Variants in MAPKAP1 observed in about 807,000 individuals in gnomAD.
The protein encoded by MAPKAP1 is MAPK associated protein 1, also known as target of rapamycin complex 2 subunit MAPKAP1.
In MAPKAP1, 20 loss-of-function variants were observed where a neutral mutation model predicts 65.7. That is an observed-to-expected ratio of 0.30 (90% CI 0.21 to 0.44). MAPKAP1 has a LOEUF of 0.44. Among genes scored for constraint, MAPKAP1 ranks in the 20% least tolerant of loss-of-function variants. The pLI is 1.00. For synonymous variants in MAPKAP1, 222 were observed against 244.3 expected, an observed-to-expected ratio of 0.91 and a Z score of 0.85; for missense variants, 423 against 648.0, an observed-to-expected ratio of 0.65 and a Z score of 3.77.
intron 4 of MAPKAP1, among the ~76,000 whole-genome samples, chr9:125,640,642 C>A (rs539382): frequency 0.9 from 136,547 of 152,216 alleles, 62,031 homozygotes; most frequent in East Asian, 1. Flanking sequence ...CTAATGATGG[C>A]TATGACCTCA....
chr9:125,597,264 C>CAAA lies in MAPKAP1; in HGVS notation c.499-11540_499-11538dup, dbSNP rs35917056. 6.6e-4 allele frequency among the ~76,000 whole-genome samples: 35 copies of CAAA among 52,668 alleles called. 1 individual carries two copies. The highest frequency in any genetic ancestry group is 2.4e-3 in the East Asian group (3 of 1,256). The allele number at this position is 52,668 out of a possible 152,430, so 34.6% of individuals were successfully genotyped here. ...TGGACGACAGAGCGAGACTCCGTCTCAAAAAAAAAAAAAAAAAAAAAAAAA... is the reference window on the plus strand; with the variant it reads ...TGGACGACAGAGCGAGACTCCGTCTCAAAAAAAAAAAAAAAAAAAAAAAAAAAA... On this transcript the variant is annotated intron_variant, in intron 4 of 11. Coordinates refer to ENST00000265960, the MANE Select transcript of MAPKAP1 (RefSeq NM_001006617.3).
intron 1 of MAPKAP1, among the ~76,000 whole-genome samples, chr9:125,684,576 A>C (rs983326987): frequency 3.3e-5 from 5 of 152,144 alleles, no homozygotes; most frequent in African/African-American, 1.2e-4. Context: ...TAAACCTTCT[A>C]AGGGCTAAAA....
intron 7 of MAPKAP1, among the ~76,000 whole-genome samples, chr9:125,515,445 G>C (rs749882004): frequency 6.6e-6 from 1 of 152,184 alleles, no homozygotes; most frequent in Non-Finnish European, 1.5e-5. Context: ...CTGACAAGCA[G>C]AGACGAGAAA....
intron 10 of MAPKAP1, among the ~76,000 whole-genome samples, chr9:125,463,783 T>A (rs755824822): frequency 2.0e-5 from 3 of 152,250 alleles, no homozygotes; most frequent in Non-Finnish European, 4.4e-5. Flanking sequence ...CTTAAGATTT[T>A]ATATGATCTA....
chr9:125,700,921 A>C (rs762562118), intron 1 of MAPKAP1, among the ~76,000 whole-genome samples: 30 of 152,200 alleles, frequency 2.0e-4, no homozygotes, highest in Non-Finnish European at 4.3e-4. Context: ...TCTTGAGTAC[A>C]TATAGTCAAT....
intron 2 of MAPKAP1, among the ~76,000 whole-genome samples, chr9:125,670,158 G>C (rs1216993532): frequency 6.6e-6 from 1 of 152,030 alleles, no homozygotes; most frequent in Non-Finnish European, 1.5e-5. Context: ...ACATGGAAGA[G>C]AATAATAAAA....
intron 7 of MAPKAP1, among the ~76,000 whole-genome samples, chr9:125,524,098 C>T (rs1226651081): frequency 2.6e-5 from 4 of 152,162 alleles, no homozygotes; most frequent in Non-Finnish European, 5.9e-5. Flanking sequence ...AGGACTGCAA[C>T]CTAGGAGCAT....
At chr9:125,652,211 T>G (rs1308523761) in intron 4 of MAPKAP1, 2 of 1,315,402 alleles carry the variant, frequency 1.5e-6, no homozygotes, top group African/African-American at 3.0e-5. Flanking sequence ...TGCCAATGAT[T>G]GTAGAAAACA....
At chr9:125,674,235 T>C (rs980164893) in intron 1 of MAPKAP1, among the ~76,000 whole-genome samples, 2 of 151,976 alleles carry the variant, frequency 1.3e-5, no homozygotes, top group Admixed American at 6.6e-5. Context: ...AAAAAATACA[T>C]GGCATGTAAT....
At chr9:125,698,270 T>C (rs1183781265) in intron 1 of MAPKAP1, among the ~76,000 whole-genome samples, 1 of 91,584 alleles carries the variant, frequency 1.1e-5, no homozygotes, top group Admixed American at 1.4e-4. Context: ...TAAATATATA[T>C]AATACATAAT....
chr9:125,627,974 G>T (rs186801006), intron 4 of MAPKAP1, among the ~76,000 whole-genome samples: 3 of 152,264 alleles, frequency 2.0e-5, no homozygotes, highest in Admixed American at 6.5e-5. Context: ...CTACGACAAA[G>T]GCGGCCACTT....
intron 11 of MAPKAP1, among the ~76,000 whole-genome samples, chr9:125,443,538 G>C (rs1267113053): frequency 6.6e-5 from 10 of 152,190 alleles, no homozygotes; most frequent in Admixed American, 6.5e-4. Flanking sequence ...AGCGGCCAAA[G>C]CAGCATCTGG....
At chr9:125,583,935 T>C (rs1831700662) in intron 5 of MAPKAP1, among the ~76,000 whole-genome samples, 1 of 151,980 alleles carries the variant, frequency 6.6e-6, no homozygotes, top group African/African-American at 2.4e-5. Context: ...TGGTGGTAGG[T>C]GCCTGTAGTC....
At chr9:125,451,377 A>G (rs936816415) in intron 10 of MAPKAP1, among the ~76,000 whole-genome samples, 2 of 152,048 alleles carry the variant, frequency 1.3e-5, no homozygotes, top group African/African-American at 4.8e-5. Context: ...CCCTTAAGCA[A>G]TGGTCTTCCT....
chr9:125,674,163 C>CT (rs1027809205), intron 1 of MAPKAP1, among the ~76,000 whole-genome samples: 37 of 148,808 alleles, frequency 2.5e-4, no homozygotes, highest in Admixed American at 5.4e-4. Flanking sequence ...TTGAGCCTCC[C>CT]TTTTTTTTTT....
chr9:125,476,242 T>C (rs911001679), intron 9 of MAPKAP1, among the ~76,000 whole-genome samples: 22 of 152,226 alleles, frequency 1.4e-4, no homozygotes, highest in Non-Finnish European at 2.4e-4. Context: ...CTTGATAGCA[T>C]GCATCCTCTG....
At chr9:125,450,623 G>A (rs919177703) in intron 10 of MAPKAP1, among the ~76,000 whole-genome samples, 3 of 152,198 alleles carry the variant, frequency 2.0e-5, no homozygotes, top group Non-Finnish European at 4.4e-5. Context: ...AGGCTACAAA[G>A]AACAGCTTTG....
chr9:125,657,845 C>A, intron 3 of MAPKAP1, 46 bp from the exon 4 acceptor site: 2 of 1,574,244 alleles, frequency 1.3e-6, no homozygotes, highest in Non-Finnish European at 1.7e-6. Context: ...TACACAGAGA[C>A]AACTTGTCCA....
At chr9:125,501,232 C>T (rs754783067) in intron 8 of MAPKAP1, among the ~76,000 whole-genome samples, 40 of 152,198 alleles carry the variant, frequency 2.6e-4, no homozygotes, top group Non-Finnish European at 3.7e-4. Context: ...CCAGAGACAA[C>T]CACTATTAAC....
Sources: gnomAD v4.1 joint callset for allele counts (sites outside exome capture counted in the v4.1 genomes callset) on GRCh38, gnomAD v4.1.1 for gene constraint, MANE v1.5 for transcripts, NCBI Gene and HGNC (gene_info 2026-07-23, HGNC 2026-07-21) for gene names.